The following NAALADL2 variants were observed in gnomAD, a reference collection of about 807,000 sequenced individuals.
The protein encoded by NAALADL2 is N-acetylated alpha-linked acidic dipeptidase like 2, also known as inactive N-acetylated-alpha-linked acidic dipeptidase-like protein 2.
A neutral mutation model predicts 87.2 loss-of-function variants in NAALADL2; 76 were observed. The observed-to-expected ratio is 0.87, with a 90% CI of 0.72 to 1.05. NAALADL2 has a LOEUF of 1.05. Ranked by LOEUF, NAALADL2 falls within the 50% of genes least tolerant of loss-of-function variation. The pLI is 0.00. For synonymous variants in NAALADL2, 354 were observed against 331.0 expected, an observed-to-expected ratio of 1.07 and a Z score of -0.75; for missense variants, 1,089 against 945.8, an observed-to-expected ratio of 1.15 and a Z score of -1.99.
chr3:175,351,145 C>G (rs1025013630), intron 5 of NAALADL2, among the ~76,000 whole-genome samples: 2 of 152,032 alleles, frequency 1.3e-5, no homozygotes, highest in African/African-American at 4.8e-5. Flanking sequence ...TCTCACTTTT[C>G]AAGGTCACTT....
At chr3:175,242,664 T>C (rs1362120014) in intron 3 of NAALADL2, among the ~76,000 whole-genome samples, 2 of 152,056 alleles carry the variant, frequency 1.3e-5, no homozygotes, top group East Asian at 1.9e-4. Flanking sequence ...CTGACTAATA[T>C]AGAATATAGC....
chr3:175,348,240 G>A (rs777956148), intron 5 of NAALADL2, among the ~76,000 whole-genome samples: 3 of 151,878 alleles, frequency 2.0e-5, no homozygotes, highest in Admixed American at 6.6e-5. Flanking sequence ...TAGTAGAGTC[G>A]GGGTTTCTCC....
At chr3:175,487,794 G>A (rs866090154) in intron 9 of NAALADL2, 10 of 281,094 alleles carry the variant, frequency 3.6e-5, no homozygotes, top group African/African-American at 2.0e-4. Flanking sequence ...TGTGTATGTA[G>A]CAGAAAATGT....
At chr3:174,777,231 C>T (rs1199684545) in intron 3 of NAALADL2, among the ~76,000 whole-genome samples, 1 of 151,974 alleles carries the variant, frequency 6.6e-6, no homozygotes, top group African/African-American at 2.4e-5. Flanking sequence ...ATGACATGTG[C>T]ATGTATTTTA....
intron 1 of NAALADL2, among the ~76,000 whole-genome samples, chr3:174,941,822 C>A (rs1481292644): frequency 4.6e-5 from 7 of 151,328 alleles, no homozygotes; most frequent in Non-Finnish European, 1.0e-4. Context: ...GGATTGCAAC[C>A]CTCTGCTTTT....
intron 1 of NAALADL2, among the ~76,000 whole-genome samples, chr3:175,057,047 G>A (rs1364785420): frequency 2.6e-5 from 4 of 152,192 alleles, no homozygotes; most frequent in Admixed American, 1.3e-4. Context: ...TGTAGATAAT[G>A]TAAGTTGCTT....
intron 5 of NAALADL2, among the ~76,000 whole-genome samples, chr3:175,346,054 T>C (rs1246405000): frequency 1.3e-5 from 2 of 152,184 alleles, no homozygotes; most frequent in Non-Finnish European, 2.9e-5. Context: ...GCTGCAATAA[T>C]GTTAAAAATT....
At chr3:174,470,219 T>G (rs1311840045) in intron 1 of NAALADL2, among the ~76,000 whole-genome samples, 1 of 152,178 alleles carries the variant, frequency 6.6e-6, no homozygotes, top group African/African-American at 2.4e-5. Context: ...TATCTCATTG[T>G]GGGTTTGATT....
intron 2 of NAALADL2, among the ~76,000 whole-genome samples, chr3:175,204,976 A>G (rs1740607501): frequency 6.6e-6 from 1 of 152,188 alleles, no homozygotes; most frequent in Non-Finnish European, 1.5e-5. Flanking sequence ...AAATGGAAAC[A>G]CATCCCATGC....
At chr3:174,706,575 A>G (rs1730088494) in intron 2 of NAALADL2, among the ~76,000 whole-genome samples, 1 of 152,124 alleles carries the variant, frequency 6.6e-6, no homozygotes, top group African/African-American at 2.4e-5. Flanking sequence ...ATTTTCTCCT[A>G]TTCTGTAGGT....
At position 175,810,195 on chromosome 3, in the gene NAALADL2, T is replaced by A. The variant is rs966680164; in HGVS notation, c.*6992T>A. 6.6e-6 allele frequency: 1 copy of A among 152,056 alleles called. No homozygotes were observed. Among genetic ancestry groups the A allele is most frequent in the East Asian group, 1.9e-4 (1 of 5,192 alleles). The allele number at this position is 152,056 out of a possible 1,614,324, so 9.4% of individuals were successfully genotyped here. A position where few individuals can be genotyped will look rare whatever the true frequency, so the allele number is the denominator to read the frequency against. On this transcript the variant is annotated 3_prime_UTR_variant, in exon 14 of 14. Transcript: ENST00000454872. ...AGGGTTGAATGTCTAATTTCTATAATGTGTGGATGCCCATCAGATATTTAG... is the reference window on the plus strand; with the variant it reads ...AGGGTTGAATGTCTAATTTCTATAAAGTGTGGATGCCCATCAGATATTTAG...
At chr3:175,603,846 T>C (rs2149647731) in intron 10 of NAALADL2, among the ~76,000 whole-genome samples, 1 of 152,110 alleles carries the variant, frequency 6.6e-6, no homozygotes, top group East Asian at 1.9e-4. Flanking sequence ...CCACAAAAAT[T>C]AGCCAGGCTT....
intron 13 of NAALADL2, among the ~76,000 whole-genome samples, chr3:175,765,569 A>G (rs1472251171): frequency 1.3e-5 from 2 of 152,160 alleles, no homozygotes; most frequent in Admixed American, 6.5e-5. Flanking sequence ...TGGTATCAAA[A>G]TAGAAATACT....
intron 3 of NAALADL2, among the ~76,000 whole-genome samples, chr3:174,853,082 CT>C (rs1725435977): frequency 6.6e-6 from 1 of 151,190 alleles, no homozygotes; most frequent in African/African-American, 2.4e-5. Flanking sequence ...AGACTTACAT[CT>C]GGCAGGGTGC....
At chr3:175,411,118 C>A (rs574652994) in intron 5 of NAALADL2, among the ~76,000 whole-genome samples, 126 of 152,148 alleles carry the variant, frequency 8.3e-4, no homozygotes, top group African/African-American at 3.0e-3. Context: ...AGAGAGGTAG[C>A]AGTAAAGATT....
intron 2 of NAALADL2, among the ~76,000 whole-genome samples, chr3:175,146,223 C>T (rs891442156): frequency 1.3e-5 from 2 of 151,992 alleles, no homozygotes; most frequent in African/African-American, 4.8e-5. Flanking sequence ...AAAATAAATT[C>T]AATTCCATCA....
chr3:174,587,186 G>A (rs1716822618), intron 2 of NAALADL2, among the ~76,000 whole-genome samples: 1 of 152,166 alleles, frequency 6.6e-6, no homozygotes, highest in Non-Finnish European at 1.5e-5. Flanking sequence ...TGGCTGCATA[G>A]TATTCCATGG....
At chr3:174,916,401 A>C (rs1166863195) in intron 1 of NAALADL2, among the ~76,000 whole-genome samples, 1 of 152,166 alleles carries the variant, frequency 6.6e-6, no homozygotes, top group East Asian at 1.9e-4. Flanking sequence ...CTATATGAAA[A>C]AGACACATGC....
At chr3:174,846,651 T>G (rs768310838) in intron 3 of NAALADL2, among the ~76,000 whole-genome samples, 2 of 152,198 alleles carry the variant, frequency 1.3e-5, no homozygotes, top group Non-Finnish European at 2.9e-5. Context: ...TATGTATGTA[T>G]GATATATTCT....
Sources: gnomAD v4.1 joint callset for allele counts (sites outside exome capture counted in the v4.1 genomes callset) on GRCh38, gnomAD v4.1.1 for gene constraint, MANE v1.5 for transcripts, NCBI Gene and HGNC (gene_info 2026-07-23, HGNC 2026-07-21) for gene names.